Variants in LRRC7 observed in about 807,000 individuals in gnomAD.
LRRC7 encodes the protein leucine rich repeat containing 7.
In LRRC7, 23 loss-of-function variants were observed where a neutral mutation model predicts 175.7. That is an observed-to-expected ratio of 0.13 (90% confidence interval 0.09 to 0.19). LRRC7 has a LOEUF of 0.19. LRRC7 is among the 10% of genes least tolerant of loss of function. The probability of loss-of-function intolerance (pLI) is 1.00; values close to 1 mark genes in which losing one functional copy is unlikely to be tolerated. For missense variants in LRRC7, 1,354 were observed against 1,904.7 expected (o/e 0.71, Z 5.38); for synonymous variants, 685 against 680.9 (o/e 1.01, Z -0.09).
intron 8 of LRRC7, among the ~76,000 whole-genome samples, chr1:69,977,135 A>G (rs761278298): frequency 3.5e-4 from 54 of 152,280 alleles, no homozygotes; most frequent in Middle Eastern, 6.8e-3. Context: ...CCTCGCCCCC[A>G]TATCCTGTCA....
chr1:69,847,971 A>G (rs1346895882), intron 7 of LRRC7, among the ~76,000 whole-genome samples: 1 of 152,052 alleles, frequency 6.6e-6, no homozygotes, highest in Non-Finnish European at 1.5e-5. Flanking sequence ...TCACAATCTC[A>G]CGAGGTTTCT....
intron 1 of LRRC7, among the ~76,000 whole-genome samples, chr1:69,660,322 A>G (rs1282417266): frequency 6.6e-6 from 1 of 152,118 alleles, no homozygotes; most frequent in African/African-American, 2.4e-5. Flanking sequence ...CTGTAGGAAA[A>G]ATAGACAAAT....
chr1:69,876,881 T>A (rs1285548923), intron 7 of LRRC7, among the ~76,000 whole-genome samples: 1 of 152,136 alleles, frequency 6.6e-6, no homozygotes, highest in Non-Finnish European at 1.5e-5. Flanking sequence ...TTATATTCAG[T>A]ACAGCATAGT....
chr1:69,802,741 T>C (rs1362257669), intron 4 of LRRC7, among the ~76,000 whole-genome samples: 3 of 151,350 alleles, frequency 2.0e-5, no homozygotes, highest in East Asian at 3.9e-4. Flanking sequence ...ATTTGTGAGG[T>C]TGTTTTTCCT....
intron 7 of LRRC7, among the ~76,000 whole-genome samples, chr1:69,868,956 A>G (rs1288941769): frequency 1.3e-5 from 2 of 151,378 alleles, no homozygotes; most frequent in South Asian, 2.1e-4. Context: ...TCCTGTTTGT[A>G]TAAAGATATC....
chr1:69,859,123 A>G (rs765135987), intron 7 of LRRC7, among the ~76,000 whole-genome samples: 108 of 152,110 alleles, frequency 7.1e-4, no homozygotes, highest in Non-Finnish European at 1.2e-3. Flanking sequence ...CCTCTGCCCA[A>G]AAAAGTTTGC....
chr1:69,785,905 C>T lies in LRRC7; in HGVS notation c.304-6138C>T, dbSNP rs184850239. Among the ~76,000 whole-genome samples, 191 of 152,168 alleles carry T rather than the reference C, an allele frequency of 1.3e-3. 1 individual carries two copies. The highest frequency in any genetic ancestry group is 2.1e-3 in the Non-Finnish European group (143 of 67,980). On this transcript the variant is annotated intron_variant, in intron 3 of 26. Transcript: ENST00000651989. The stretch of plus-strand genomic sequence containing the variant: ...CAAAATTCCAAAAAGACCTTCTTAC[C>T]GTGTCCTCCATGTCATTTAAGCAGT...
At chr1:70,053,393 T>C (rs1660892507) in intron 23 of LRRC7, among the ~76,000 whole-genome samples, 3 of 152,182 alleles carry the variant, frequency 2.0e-5, no homozygotes, top group Admixed American at 2.0e-4. Flanking sequence ...CAGATACTCT[T>C]ACCTCTTACC....
At chr1:69,921,585 C>G (rs1646889790) in intron 7 of LRRC7, among the ~76,000 whole-genome samples, 1 of 152,162 alleles carries the variant, frequency 6.6e-6, no homozygotes, top group African/African-American at 2.4e-5. Context: ...AGCATCTCTC[C>G]TATCTGACAT....
intron 9 of LRRC7, 31 bp downstream of exon 9, chr1:69,980,484 T>G: frequency 1.4e-6 from 2 of 1,449,194 alleles, no homozygotes; most frequent in South Asian, 2.4e-5. Context: ...CCATGTTGTT[T>G]AATATTTGTT....
At chr1:69,956,738 AAACT>A (rs1218194229) in intron 8 of LRRC7, among the ~76,000 whole-genome samples, 1 of 151,792 alleles carries the variant, frequency 6.6e-6, no homozygotes, top group South Asian at 2.1e-4. Flanking sequence ...CAGGGTAATA[AAACT>A]AACTGTAATA....
At chr1:69,665,907 T>G (rs1391176864) in intron 1 of LRRC7, among the ~76,000 whole-genome samples, 3 of 152,080 alleles carry the variant, frequency 2.0e-5, no homozygotes, top group Non-Finnish European at 4.4e-5. Context: ...GTTCCTGATC[T>G]TAGAAAAAGG....
intron 21 of LRRC7, among the ~76,000 whole-genome samples, chr1:70,042,802 T>A (rs1660022728): frequency 6.6e-6 from 1 of 152,186 alleles, no homozygotes; most frequent in South Asian, 2.1e-4. Flanking sequence ...GAAATAATAA[T>A]GAATCCATAA....
chr1:69,781,807 AAGGAAGGAAGG>A (rs1241717206), intron 3 of LRRC7, among the ~76,000 whole-genome samples: 3 of 90,320 alleles, frequency 3.3e-5, no homozygotes, highest in African/African-American at 1.6e-4. Flanking sequence ...GGAAGGAAGG[AAGGAAGGAAGG>A]AAGGAAGGAA....
chr1:69,760,960 TACACACAC>T (rs59808973), intron 3 of LRRC7, among the ~76,000 whole-genome samples: 2 of 149,428 alleles, frequency 1.3e-5, no homozygotes, highest in East Asian at 2.0e-4. Context: ...TTTGTGCACA[TACACACAC>T]ACACACACAC....
At chr1:69,861,073 A>C (rs1557822800) in intron 7 of LRRC7, among the ~76,000 whole-genome samples, 1 of 152,070 alleles carries the variant, frequency 6.6e-6, no homozygotes, top group Non-Finnish European at 1.5e-5. Flanking sequence ...TTTTATAAGT[A>C]TAATTGTAAA....
chr1:69,781,735 G>GAAAGAAAGAA (rs774259601), intron 3 of LRRC7, among the ~76,000 whole-genome samples: 38 of 28,638 alleles, frequency 1.3e-3, no homozygotes, highest in Non-Finnish European at 1.7e-3. Context: ...AAGAAAGAAA[G>GAAAGAAAGAA]AGAGAGAGAG....
In LRRC7 at chr1:70,039,634, A is replaced by G. The variant is rs750947742; in HGVS notation, c.3810A>G (p.Pro1270=). The change falls in exon 21 of 27, where the codon CCA becomes CCG. Residue 1270 remains proline, a synonymous_variant. Transcript: ENST00000651989. ...TGGCAGCTCTTTTGGAAAAAATACC[A>G]TCTGACTATAACTTGGGTAACTATG... The part of the protein sequence containing the change: ...PTMAALLEKI[P]SDYNLGNYGD... 9 of 1,614,106 alleles carry G rather than the reference A, an allele frequency of 5.6e-6. No homozygotes were observed. The highest frequency in any genetic ancestry group is 6.8e-6 in the Non-Finnish European group (8 of 1,179,996).
Position 70,124,199 on chromosome 1 carries a change from C to T in LRRC7, c.*2312C>T, listed in dbSNP as rs1571387492. Reference sequence around the variant, plus strand: ...AGCACCTCACTGTCAATAGTACTGCCATGTTGCATACTGAGAACAGGCAGG... The same window carrying T: ...AGCACCTCACTGTCAATAGTACTGCTATGTTGCATACTGAGAACAGGCAGG... On this transcript the variant is annotated 3_prime_UTR_variant, in exon 27 of 27. Coordinates refer to ENST00000651989, the MANE Select transcript of LRRC7 (RefSeq NM_001370785.2). Among the ~76,000 whole-genome samples the T allele has an allele frequency of 6.6e-6, 1 of 152,270 alleles. No individual in the cohort carries two copies. Among genetic ancestry groups the T allele is most frequent in the East Asian group, 1.9e-4 (1 of 5,178 alleles).
Sources: allele counts gnomAD v4.1 joint callset (sites outside exome capture counted in the v4.1 genomes callset), GRCh38; gene constraint gnomAD v4.1.1; transcripts MANE v1.5; gene names NCBI Gene and HGNC (gene_info 2026-07-23, HGNC 2026-07-21).